NBEA: variants seen among roughly 807,000 people sequenced by gnomAD.
The protein encoded by NBEA is lysosomal-trafficking regulator 2.
Under a neutral mutation model 343.4 loss-of-function variants are expected in NBEA, and 44 were observed. The observed-to-expected ratio is 0.13, with a 90% confidence interval of 0.10 to 0.16. NBEA has a LOEUF of 0.16. Ranked by LOEUF, NBEA falls within the 10% of genes least tolerant of loss-of-function variation. The pLI is 1.00. For missense variants in NBEA, 2,555 were observed against 3,631.3 expected (o/e 0.70, Z 7.62); for synonymous variants, 1,175 against 1,238.7 (o/e 0.95, Z 1.08).
At chr13:35,409,344 A>G (rs538179653) in intron 38 of NBEA, among the ~76,000 whole-genome samples, 11 of 152,118 alleles carry the variant, frequency 7.2e-5, no homozygotes, top group Middle Eastern at 6.8e-3. Context: ...CCTATATGAG[A>G]GTGGAGGGTG....
intron 1 of NBEA, among the ~76,000 whole-genome samples, chr13:34,995,644 A>G (rs2060914486): frequency 6.6e-6 from 1 of 152,166 alleles, no homozygotes; most frequent in Non-Finnish European, 1.5e-5. Flanking sequence ...GGTTACAGCT[A>G]GGTGTTGTGT....
intron 34 of NBEA, among the ~76,000 whole-genome samples, chr13:35,280,042 G>T (rs1259548106): frequency 3.3e-5 from 5 of 152,052 alleles, no homozygotes; most frequent in Admixed American, 6.6e-5. Context: ...TTTTAGTAGA[G>T]ATTTTATTTG....
chr13:35,004,293 C>A (rs113495175), intron 1 of NBEA, among the ~76,000 whole-genome samples: 1 of 152,092 alleles, frequency 6.6e-6, no homozygotes, highest in Non-Finnish European at 1.5e-5. Context: ...GGTGTATACC[C>A]AGGAATGGGA....
chr13:35,072,817 C>T (rs1184649916), intron 10 of NBEA, among the ~76,000 whole-genome samples: 1 of 152,166 alleles, frequency 6.6e-6, no homozygotes, highest in Non-Finnish European at 1.5e-5. Flanking sequence ...CCTGCCTTGG[C>T]ATCCCAAAGT....
At chr13:35,615,287 C>CAA (rs35687768) in intron 48 of NBEA, among the ~76,000 whole-genome samples, 5,882 of 116,662 alleles carry the variant, frequency 0.05, 172 homozygotes, top group East Asian at 0.077. Context: ...GACCCTGTCT[C>CAA]AAAAAAAAAA....
chr13:35,299,635 C>T (rs2036396738), intron 35 of NBEA, among the ~76,000 whole-genome samples: 1 of 152,170 alleles, frequency 6.6e-6, no homozygotes, highest in African/African-American at 2.4e-5. Context: ...CAGCTCTCTG[C>T]AGGCATTCAA....
At chr13:35,591,880 AGG>A in intron 46 of NBEA, among the ~76,000 whole-genome samples, 1 of 152,212 alleles carries the variant, frequency 6.6e-6, no homozygotes, top group South Asian at 2.1e-4. Context: ...AATGTCATGT[AGG>A]TTTCTTAGCA....
chr13:35,046,636 A>G (rs1470686885), intron 4 of NBEA, among the ~76,000 whole-genome samples: 1 of 152,180 alleles, frequency 6.6e-6, no homozygotes, highest in South Asian at 2.1e-4. Flanking sequence ...GCACACAGTA[A>G]GAGATTAACA....
At chr13:34,960,500 C>T (rs567594876) in intron 1 of NBEA, among the ~76,000 whole-genome samples, 1 of 152,144 alleles carries the variant, frequency 6.6e-6, no homozygotes, top group East Asian at 1.9e-4. Context: ...TTCACATTCA[C>T]TCACCACACA....
In NBEA at chr13:34,942,973, C is replaced by T. The variant is rs1262992775; in HGVS notation, c.153C>T (p.Ser51=). 1.9e-6 allele frequency: 3 copies of T among 1,604,110 alleles called. No individual in the cohort carries two copies. The highest frequency in any genetic ancestry group is 1.7e-6 in the Non-Finnish European group (2 of 1,175,584). Residue 51 remains serine (S), a synonymous_variant, in exon 1 of 59, where the codon TCC becomes TCT. Coordinates refer to ENST00000379939, the MANE Select transcript of NBEA (RefSeq NM_001385012.1). ...GGGAGCTAAGGGGGGCGTCCGGCTC[C>T]GGCTCGGTGATGCTCCCCGCGGGGA... ...GMGELRGASG[S]GSVMLPAGMI...
At chr13:35,010,742 ATATATATATATATAT>A (rs1213309383) in intron 1 of NBEA, among the ~76,000 whole-genome samples, 11 of 83,716 alleles carry the variant, frequency 1.3e-4, no homozygotes, top group Admixed American at 1.5e-4. Flanking sequence ...AAAAAAAAAA[ATATATATATATATAT>A]ATATATATAT....
At chr13:35,572,313 A>G (rs957649839) in intron 45 of NBEA, among the ~76,000 whole-genome samples, 1 of 152,184 alleles carries the variant, frequency 6.6e-6, no homozygotes, top group Admixed American at 6.5e-5. Context: ...TCTGCTCATT[A>G]AAGTGTAAAT....
chr13:35,321,828 A>G (rs989883708), intron 36 of NBEA, among the ~76,000 whole-genome samples: 9 of 152,214 alleles, frequency 5.9e-5, no homozygotes, highest in African/African-American at 1.4e-4. Context: ...CAGTCTGGCT[A>G]CAGTGGCTTT....
intron 30 of NBEA, among the ~76,000 whole-genome samples, chr13:35,188,915 T>G (rs1321067334): frequency 3.5e-5 from 5 of 142,306 alleles, no homozygotes; most frequent in Admixed American, 2.0e-4. Context: ...TGTTTTTTTT[T>G]TTTTTTTTGG....
At chr13:34,957,420 A>G (rs908344333) in intron 1 of NBEA, among the ~76,000 whole-genome samples, 6 of 152,186 alleles carry the variant, frequency 3.9e-5, no homozygotes, top group African/African-American at 1.4e-4. Context: ...TCACCTAAAA[A>G]TCGATTTGTG....
At chr13:35,096,712 A>G (rs552268448) in intron 10 of NBEA, among the ~76,000 whole-genome samples, 2 of 151,940 alleles carry the variant, frequency 1.3e-5, no homozygotes, top group African/African-American at 4.8e-5. Context: ...CTCTACCCAT[A>G]GTTTTCTTTA....
Position 35,583,901 on chromosome 13 carries a change from A to G in NBEA, c.7039A>G (p.Ile2347Val), listed in dbSNP as rs189755961. 5.2e-3 allele frequency: 8,402 copies of G among 1,607,754 alleles called. 41 individuals are homozygous for G. The highest frequency in any genetic ancestry group is 0.012 in the South Asian group (1,092 of 89,356). ...PGNFRDLSKP[I>V]GALNPKRAVF... is the part of the protein sequence containing the mutation. ...AATATTTTTTTTCTTTTAATAGCCA[A>G]TTGGTGCTTTGAACCCCAAGAGAGC... is the stretch of plus-strand genomic sequence containing the variant. The change falls in exon 46 of 59, where the codon ATT becomes GTT. Residue 2347 changes from isoleucine to valine, a missense_variant. This residue lies in a region of NBEA where 156 missense variants were observed against 185.8 expected (regional missense o/e 0.84). Transcript: ENST00000379939.
At chr13:35,400,268 T>C (rs1369115203) in intron 38 of NBEA, among the ~76,000 whole-genome samples, 1 of 148,996 alleles carries the variant, frequency 6.7e-6, no homozygotes, top group Admixed American at 6.7e-5. Context: ...AAACAAGATA[T>C]GGCTATGCTT....
intron 8 of NBEA, among the ~76,000 whole-genome samples, chr13:35,067,094 A>C (rs567964005): frequency 6.6e-6 from 1 of 152,208 alleles, no homozygotes; most frequent in Non-Finnish European, 1.5e-5. Context: ...ATTGTTATAC[A>C]TATAGTATCT....
Sources: allele counts gnomAD v4.1 joint callset (sites outside exome capture counted in the v4.1 genomes callset), GRCh38; gene constraint gnomAD v4.1.1; regional missense constraint gnomAD v4.1.1; transcripts MANE v1.5; gene names NCBI Gene and HGNC (gene_info 2026-07-23, HGNC 2026-07-21).